SVIL: variants seen among roughly 807,000 people sequenced by gnomAD.
SVIL encodes archvillin.
A neutral mutation model predicts 240.4 loss-of-function variants in SVIL; 101 were observed. The observed-to-expected ratio is 0.42, with a 90% CI of 0.36 to 0.50. SVIL has a LOEUF of 0.50. SVIL is among the 20% of genes least tolerant of loss of function. SVIL has a pLI of 0.01. For missense variants in SVIL, 2,512 were observed against 2,818.7 expected (o/e 0.89, Z 2.46); for synonymous variants, 999 against 1,100.0 (o/e 0.91, Z 1.82).
intron 17 of SVIL, among the ~76,000 whole-genome samples, 157 bp from the exon 18 acceptor site, chr10:29,499,420 G>A (rs1429792952): frequency 6.6e-6 from 1 of 152,240 alleles, no homozygotes; most frequent in Non-Finnish European, 1.5e-5. Flanking sequence ...AAATGGGCTT[G>A]GCTTCCTTAC....
chr10:29,718,609 G>C (rs1963779506), intron 1 of SVIL, among the ~76,000 whole-genome samples: 3 of 152,088 alleles, frequency 2.0e-5, no homozygotes, highest in Admixed American at 2.0e-4. Flanking sequence ...CGAGAATCTG[G>C]GGTAGACCCA....
intron 12 of SVIL, among the ~76,000 whole-genome samples, chr10:29,529,352 C>T (rs566802890): frequency 1.4e-5 from 2 of 142,908 alleles, no homozygotes; most frequent in African/African-American, 5.2e-5. Flanking sequence ...GAATGGCACA[C>T]GGGCTGAGCA....
At chr10:29,614,482 TA>T (rs1397947310) in intron 1 of SVIL, among the ~76,000 whole-genome samples, 20 of 152,150 alleles carry the variant, frequency 1.3e-4, no homozygotes, top group African/African-American at 4.6e-4. Context: ...TATGCAGCCC[TA>T]AAAAAGGATG....
intron 3 of SVIL, among the ~76,000 whole-genome samples, chr10:29,654,621 T>G (rs369545996): frequency 9.2e-5 from 14 of 152,234 alleles, no homozygotes; most frequent in African/African-American, 2.9e-4. Context: ...TATATAGAAG[T>G]AGGCAGGAAA....
chr10:29,722,099 G>A (rs1180484502), intron 1 of SVIL, among the ~76,000 whole-genome samples: 1 of 151,908 alleles, frequency 6.6e-6, no homozygotes, highest in Non-Finnish European at 1.5e-5. Flanking sequence ...TTAGCCAGAC[G>A]TGGTGGTGCG....
At position 29,492,163 on chromosome 10, in the gene SVIL, TA is replaced by T. The variant is rs1222254462; in HGVS notation, c.4019+1050del. On this transcript the variant is annotated intron_variant, in intron 21 of 37. Coordinates refer to ENST00000355867, the MANE Select transcript of SVIL (RefSeq NM_021738.3). ...CCTCACTGCACCCCCATCGTGGCTC[TA>T]AAGGAGACCCAGAGCCCCGCCTTTA... Among the ~76,000 whole-genome samples the T allele has an allele frequency of 1.6e-4, 24 of 152,180 alleles. No individual in the cohort carries two copies. The East Asian group carries it at 4.7e-3, about 30-fold the overall frequency.
intron 24 of SVIL, 98 bp downstream of exon 24, chr10:29,487,065 T>C: frequency 6.9e-7 from 1 of 1,457,848 alleles, no homozygotes; most frequent in Non-Finnish European, 9.2e-7. Context: ...ATGCAACACC[T>C]GGCTTTTGAG....
At chr10:29,510,567 C>G (rs544817435) in intron 17 of SVIL, among the ~76,000 whole-genome samples, 9 of 151,798 alleles carry the variant, frequency 5.9e-5, no homozygotes, top group Admixed American at 5.9e-4. Context: ...CTGACCATAA[C>G]GCCGGCTCCT....
At chr10:29,686,871 T>A (rs544946387) in intron 1 of SVIL, among the ~76,000 whole-genome samples, 1 of 152,180 alleles carries the variant, frequency 6.6e-6, no homozygotes, top group African/African-American at 2.4e-5. Flanking sequence ...TACTTGGTAA[T>A]TTAAATCATG....
Position 29,457,527 on chromosome 10 carries a change from T to C in SVIL, c.*720A>G, listed in dbSNP as rs1404430330. Reference sequence around the variant, plus strand: ...CAAAAATGCAGAGCAAACTTTTCTGTATATAAACTGTACATAAAAACAAGG... The same window carrying C: ...CAAAAATGCAGAGCAAACTTTTCTGCATATAAACTGTACATAAAAACAAGG... On this transcript the variant is annotated 3_prime_UTR_variant, in exon 38 of 38. Coordinates refer to ENST00000355867, the MANE Select transcript of SVIL (RefSeq NM_021738.3). 6.6e-6 allele frequency: 1 copy of C among 152,664 alleles called. No individual in the cohort carries two copies. Among genetic ancestry groups the C allele is most frequent in the Admixed American group, 6.5e-5 (1 of 15,288 alleles). 9.5% of individuals were successfully genotyped at this position (152,664 alleles called of 1,614,324 possible). A position where few individuals can be genotyped will look rare whatever the true frequency, so the allele number is the denominator to read the frequency against.
At chr10:29,508,700 C>T (rs1949558372) in intron 17 of SVIL, among the ~76,000 whole-genome samples, 1 of 152,218 alleles carries the variant, frequency 6.6e-6, no homozygotes, top group African/African-American at 2.4e-5. Context: ...GTGCCAGATT[C>T]ACCTTTCTTG....
At chr10:29,595,343 A>G (rs190780502) in intron 1 of SVIL, among the ~76,000 whole-genome samples, 38 of 152,256 alleles carry the variant, frequency 2.5e-4, no homozygotes, top group African/African-American at 9.1e-4. Flanking sequence ...GTAAGAATGG[A>G]GCCCCACCCG....
At chr10:29,655,258 T>G (rs577502899) in intron 3 of SVIL, among the ~76,000 whole-genome samples, 76 of 152,230 alleles carry the variant, frequency 5.0e-4, no homozygotes, top group African/African-American at 1.8e-3. Context: ...GTCCAAGTCC[T>G]AAAGCCTCAA....
chr10:29,466,526 A>G (rs147464173), intron 33 of SVIL, among the ~76,000 whole-genome samples: 1,845 of 152,294 alleles, frequency 0.012, 45 homozygotes, highest in African/African-American at 0.043. Context: ...CTCAATTAGG[A>G]ATGAATGTAT....
chr10:29,559,116 C>A (rs972153769), intron 3 of SVIL, among the ~76,000 whole-genome samples: 1 of 151,736 alleles, frequency 6.6e-6, no homozygotes, highest in Non-Finnish European at 1.5e-5. Context: ...TATGTTGTAA[C>A]GCTGTTGTTT....
chr10:29,600,214 C>T (rs575650145), intron 1 of SVIL, among the ~76,000 whole-genome samples: 178 of 152,094 alleles, frequency 1.2e-3, no homozygotes, highest in Middle Eastern at 6.8e-3. Context: ...TGGATGAGCT[C>T]GTTACATGAA....
intron 1 of SVIL, among the ~76,000 whole-genome samples, chr10:29,632,161 C>T (rs568900887): frequency 6.6e-6 from 1 of 152,140 alleles, no homozygotes; most frequent in Non-Finnish European, 1.5e-5. Flanking sequence ...ATCCCAAGGG[C>T]CCTTTCCTTT....
At chr10:29,476,458 G>A (rs1393368721) in intron 29 of SVIL, among the ~76,000 whole-genome samples, 2 of 152,286 alleles carry the variant, frequency 1.3e-5, no homozygotes, top group East Asian at 3.9e-4. Flanking sequence ...TGTTGCCCAG[G>A]TTGGAGTGCA....
chr10:29,597,767 C>A lies in SVIL; in HGVS notation c.-200-28455G>T, dbSNP rs151038378. Among the ~76,000 whole-genome samples the A allele has an allele frequency of 1.3e-4, 19 of 151,936 alleles. No homozygotes were observed. The East Asian group carries it at 3.7e-3, about 30-fold the overall frequency. ...GCCTTAGTCTCTTTCTGCTTGATGC[C>A]CCTCAGTTGAATTATTTCTTTTTAG... On this transcript the variant is annotated intron_variant, in intron 1 of 37. Coordinates refer to ENST00000355867, the MANE Select transcript of SVIL (RefSeq NM_021738.3).
Sources: gnomAD v4.1 joint callset for allele counts (sites outside exome capture counted in the v4.1 genomes callset) on GRCh38, gnomAD v4.1.1 for gene constraint, MANE v1.5 for transcripts, NCBI Gene and HGNC (gene_info 2026-07-23, HGNC 2026-07-21) for gene names.